Variants in GRK3 observed in about 807,000 individuals in gnomAD.
GRK3 encodes the protein G protein-coupled receptor kinase 3.
In GRK3, 54 loss-of-function variants were observed where a neutral mutation model predicts 95.7. The observed-to-expected ratio is 0.56, with a 90% CI of 0.45 to 0.71. The LOEUF (loss-of-function observed/expected upper bound fraction) is 0.71, where lower values mean the gene tolerates loss of function less well. Among genes scored for constraint, GRK3 ranks in the 30% least tolerant of loss-of-function variants. The pLI is 0.00. For synonymous variants in GRK3, 281 were observed against 290.8 expected, an observed-to-expected ratio of 0.97 and a Z score of 0.34; for missense variants, 649 against 851.2, an observed-to-expected ratio of 0.76 and a Z score of 2.96.
At chr22:25,715,928 C>G (rs1164457634) in intron 18 of GRK3, among the ~76,000 whole-genome samples, 1 of 152,146 alleles carries the variant, frequency 6.6e-6, no homozygotes, top group African/African-American at 2.4e-5. Context: ...CAAGGGAATC[C>G]TGCATTCTTT....
Position 25,674,509 on chromosome 22 carries a change from AAAG to A in GRK3, c.629_631del (p.Lys210_Ala211delinsThr), listed in dbSNP as rs1244038749. On this transcript the variant is annotated inframe_deletion, in exon 8 of 21. Coordinates refer to ENST00000324198, the MANE Select transcript of GRK3 (RefSeq NM_005160.4). ...ATTCGGGGAAGTTTATGGTTGCAGG[AAAG>A]CAGACACTGGAAAAATGTAAGCTTT... is the stretch of plus-strand genomic sequence containing the variant. The A allele has an allele frequency of 1.2e-6, 2 of 1,613,572 alleles. No individual in the cohort carries two copies. Among genetic ancestry groups the A allele is most frequent in the Admixed American group, 3.3e-5 (2 of 60,030 alleles).
At chr22:25,721,093 T>G (rs562369826) in intron 19 of GRK3, among the ~76,000 whole-genome samples, 191 bp from the exon 20 acceptor site, 7 of 152,226 alleles carry the variant, frequency 4.6e-5, no homozygotes, top group Non-Finnish European at 1.0e-4. Flanking sequence ...CAGTTTTCCT[T>G]GAAACATTAT....
intron 1 of GRK3, among the ~76,000 whole-genome samples, chr22:25,582,101 T>A (rs1428471723): frequency 1.3e-5 from 2 of 151,990 alleles, no homozygotes; most frequent in African/African-American, 4.8e-5. Flanking sequence ...ACATGGTGAA[T>A]CCTCGTCGCT....
At chr22:25,646,235 C>G (rs1221852853) in intron 3 of GRK3, among the ~76,000 whole-genome samples, 1 of 151,968 alleles carries the variant, frequency 6.6e-6, no homozygotes, top group Non-Finnish European at 1.5e-5. Context: ...TTTAAAATAA[C>G]TATGAATCAT....
chr22:25,648,082 C>T, intron 3 of GRK3: 1 of 553,440 alleles, frequency 1.8e-6, no homozygotes, highest in East Asian at 3.2e-5. Flanking sequence ...CGCCACTGCA[C>T]TCCAGCCTCG....
chr22:25,565,439 C>T (rs1339240380), intron 1 of GRK3, among the ~76,000 whole-genome samples: 2 of 152,324 alleles, frequency 1.3e-5, no homozygotes, highest in South Asian at 4.1e-4. Flanking sequence ...GCTGGACCAG[C>T]TCCATCCCTG....
intron 1 of GRK3, among the ~76,000 whole-genome samples, chr22:25,569,974 G>A (rs1044911577): frequency 1.3e-4 from 20 of 152,312 alleles, no homozygotes; most frequent in African/African-American, 4.1e-4. Flanking sequence ...CGCCCAGCTC[G>A]GGGTCTTTCC....
chr22:25,620,754 C>CG (rs1320486675), intron 2 of GRK3, among the ~76,000 whole-genome samples: 2 of 152,106 alleles, frequency 1.3e-5, no homozygotes, highest in East Asian at 3.9e-4. Flanking sequence ...AGAAGAATGG[C>CG]GTGTCCTTGT....
At chr22:25,653,878 G>T (rs1161339536) in intron 3 of GRK3, among the ~76,000 whole-genome samples, 1 of 152,140 alleles carries the variant, frequency 6.6e-6, no homozygotes, top group East Asian at 1.9e-4. Context: ...TAGTAGAGAC[G>T]GGGTTTCACC....
At chr22:25,670,984 G>A (rs947642415) in intron 6 of GRK3, among the ~76,000 whole-genome samples, 2 of 151,502 alleles carry the variant, frequency 1.3e-5, no homozygotes, top group African/African-American at 4.9e-5. Context: ...AACCCGGGAG[G>A]CGGAGTTTGC....
At chr22:25,595,231 T>C (rs905089585) in intron 1 of GRK3, among the ~76,000 whole-genome samples, 3 of 152,144 alleles carry the variant, frequency 2.0e-5, no homozygotes, top group African/African-American at 4.8e-5. Flanking sequence ...TCTTTGCCGA[T>C]GATAATGATT....
intron 19 of GRK3, among the ~76,000 whole-genome samples, chr22:25,720,087 C>T (rs1457629354): frequency 6.6e-6 from 1 of 152,070 alleles, no homozygotes; most frequent in African/African-American, 2.4e-5. Context: ...CTCCCCAAAG[C>T]TCACTGTATT....
At chr22:25,711,000 GA>G in intron 16 of GRK3, 67 bp from the exon 17 acceptor site, 1 of 904,100 alleles carries the variant, frequency 1.1e-6, no homozygotes, top group South Asian at 1.6e-5. Context: ...TGTCTTTGTA[GA>G]ATGTTAGGTT....
chr22:25,719,639 G>T (rs1233884188), intron 19 of GRK3, among the ~76,000 whole-genome samples: 1 of 147,958 alleles, frequency 6.8e-6, no homozygotes, highest in African/African-American at 2.5e-5. Context: ...AGAGCCCAGG[G>T]CTTGTCAACA....
chr22:25,695,337 C>T (rs2085198879), intron 13 of GRK3, 123 bp downstream of exon 13: 1 of 664,060 alleles, frequency 1.5e-6, no homozygotes, highest in African/African-American at 1.8e-5. Flanking sequence ...ATCTTTAAGC[C>T]ATGTGCTAAT....
chr22:25,706,115 T>C (rs561171855), intron 15 of GRK3, among the ~76,000 whole-genome samples: 2 of 152,236 alleles, frequency 1.3e-5, no homozygotes, highest in Non-Finnish European at 2.9e-5. Flanking sequence ...ACCTGCATCT[T>C]TGCTTTAATT....
At chr22:25,703,615 A>G in intron 14 of GRK3, 39 bp downstream of exon 14, 1 of 1,394,554 alleles carries the variant, frequency 7.2e-7, no homozygotes, top group Non-Finnish European at 1.0e-6. Context: ...CTGTATGGTA[A>G]TTGTCATGCT....
intron 2 of GRK3, among the ~76,000 whole-genome samples, chr22:25,624,826 T>C (rs2084614676): frequency 1.3e-5 from 2 of 152,204 alleles, no homozygotes. Context: ...TGGTTAACTT[T>C]CTGTTTCCGC....
rs570654228 is a variant in GRK3 at position 25,702,481 on chromosome 22, G to A, written c.1161-1029G>A. Among the ~76,000 whole-genome samples the A allele has an allele frequency of 3.3e-5, 5 of 152,148 alleles. 1 individual carries two copies. Among genetic ancestry groups the A allele is most frequent in the African/African-American group, 1.2e-4 (5 of 41,478 alleles). On this transcript the variant is annotated intron_variant, in intron 13 of 20. Coordinates refer to ENST00000324198, the MANE Select transcript of GRK3 (RefSeq NM_005160.4). ...AATAAATTTATAAGATGACTACTTT[G>A]TAGGCACATCTTGTTATAAGAAAAG...
Sources: allele counts gnomAD v4.1 joint callset (sites outside exome capture counted in the v4.1 genomes callset), GRCh38; gene constraint gnomAD v4.1.1; transcripts MANE v1.5; gene names NCBI Gene and HGNC (gene_info 2026-07-23, HGNC 2026-07-21).